Variants in ADCY2 observed in about 807,000 individuals in gnomAD.
ADCY2 encodes the protein adenylate cyclase 2.
A neutral mutation model predicts 125.2 loss-of-function variants in ADCY2; 31 were observed. The ratio of observed to expected loss-of-function variants is 0.25; its 90% CI spans 0.19 to 0.33. ADCY2 has a LOEUF of 0.33. Among genes scored for constraint, ADCY2 ranks in the 10% least tolerant of loss-of-function variants. The pLI is 1.00. For synonymous variants in ADCY2, 512 were observed against 548.4 expected (o/e 0.93, Z 0.93); for missense variants, 904 against 1,418.2 (o/e 0.64, Z 5.82).
intron 3 of ADCY2, among the ~76,000 whole-genome samples, chr5:7,533,122 T>C (rs924667172): frequency 7.3e-5 from 11 of 150,488 alleles, no homozygotes; most frequent in Admixed American, 6.6e-4. Flanking sequence ...TATATACATA[T>C]ATGCATATAC....
intron 12 of ADCY2, among the ~76,000 whole-genome samples, chr5:7,721,260 TA>T (rs1377969262): frequency 1.3e-5 from 2 of 152,230 alleles, no homozygotes; most frequent in Admixed American, 6.5e-5. Flanking sequence ...TTTTTTCTTG[TA>T]AATTTGTTTG....
intron 3 of ADCY2, among the ~76,000 whole-genome samples, chr5:7,619,790 T>C (rs1737894322): frequency 6.6e-6 from 1 of 152,228 alleles, no homozygotes; most frequent in African/African-American, 2.4e-5. Context: ...TTTTCTTCTA[T>C]GGAGCCCTGA....
chr5:7,690,033 G>T (rs146375406), intron 4 of ADCY2, among the ~76,000 whole-genome samples: 2,159 of 152,184 alleles, frequency 0.014, 29 homozygotes, highest in South Asian at 0.03. Context: ...AATATTTATT[G>T]TTTCCTGGAC....
chr5:7,558,420 C>T (rs893997843), intron 3 of ADCY2, among the ~76,000 whole-genome samples: 3 of 152,104 alleles, frequency 2.0e-5, no homozygotes, highest in Non-Finnish European at 4.4e-5. Context: ...TTTTGATTTG[C>T]ATTTCTCTAA....
intron 3 of ADCY2, among the ~76,000 whole-genome samples, chr5:7,603,808 T>TTTTC (rs1737308499): frequency 8.0e-6 from 1 of 124,666 alleles, no homozygotes; most frequent in Non-Finnish European, 1.7e-5. Context: ...TTTTTTTTTT[T>TTTTC]TCTTTTGTTT....
intron 11 of ADCY2, among the ~76,000 whole-genome samples, chr5:7,713,416 C>T (rs113538897): frequency 0.052 from 7,818 of 151,512 alleles, 673 homozygotes; most frequent in African/African-American, 0.18. Context: ...ATCACTTCAA[C>T]GCGGGAGGCA....
intron 2 of ADCY2, among the ~76,000 whole-genome samples, chr5:7,435,584 T>G (rs536964915): frequency 2.0e-5 from 3 of 152,360 alleles, no homozygotes; most frequent in Non-Finnish European, 4.4e-5. Context: ...CCTTAAGAAT[T>G]CAAAACGATT....
intron 20 of ADCY2, chr5:7,796,671 G>T (rs1489055294): frequency 6.6e-6 from 1 of 152,188 alleles, no homozygotes; most frequent in East Asian, 1.9e-4. Context: ...ACTTCCTGAA[G>T]CTTCTCCATC....
intron 1 of ADCY2, among the ~76,000 whole-genome samples, chr5:7,411,714 A>G (rs939455791): frequency 3.9e-5 from 6 of 152,188 alleles, no homozygotes; most frequent in Non-Finnish European, 7.3e-5. Context: ...ATCAAAATCA[A>G]GTCTTACATA....
At chr5:7,588,338 A>G (rs1736700279) in intron 3 of ADCY2, among the ~76,000 whole-genome samples, 2 of 152,242 alleles carry the variant, frequency 1.3e-5, no homozygotes, top group South Asian at 4.1e-4. Flanking sequence ...AATATTACAT[A>G]TTACAACAAG....
At chr5:7,415,164 T>G in intron 2 of ADCY2, among the ~76,000 whole-genome samples, 1 of 152,210 alleles carries the variant, frequency 6.6e-6, no homozygotes, top group East Asian at 1.9e-4. Flanking sequence ...TAAGCAATTT[T>G]GAAATATACA....
At chr5:7,474,982 A>G (rs540458118) in intron 2 of ADCY2, among the ~76,000 whole-genome samples, 32 of 152,300 alleles carry the variant, frequency 2.1e-4, no homozygotes, top group African/African-American at 7.5e-4. Flanking sequence ...CTGGGCCACA[A>G]GCGTCCAGAG....
intron 2 of ADCY2, among the ~76,000 whole-genome samples, chr5:7,440,330 C>T (rs1391348275): frequency 6.6e-6 from 1 of 152,186 alleles, no homozygotes; most frequent in African/African-American, 2.4e-5. Flanking sequence ...CTAGATGATT[C>T]ACTGAAGAAA....
chr5:7,559,774 T>G (rs187007533), intron 3 of ADCY2, among the ~76,000 whole-genome samples: 1 of 152,252 alleles, frequency 6.6e-6, no homozygotes, highest in African/African-American at 2.4e-5. Flanking sequence ...GGAATGCTTC[T>G]GGCTTTCTCA....
Position 7,829,141 on chromosome 5 carries a change from T to G in ADCY2, c.*2270T>G, listed in dbSNP as rs1048976551. On this transcript the variant is annotated 3_prime_UTR_variant, in exon 25 of 25. Coordinates refer to ENST00000338316, the MANE Select transcript of ADCY2 (RefSeq NM_020546.3). Reference sequence around the variant, plus strand: ...CCATAGGAGCAGCCTTAGCATCCCCTGTGAACTTATCAAAAATGCAAATTC... The same window carrying G: ...CCATAGGAGCAGCCTTAGCATCCCCGGTGAACTTATCAAAAATGCAAATTC... 10 of 152,300 alleles carry G rather than the reference T, an allele frequency of 6.6e-5. No homozygotes were observed. Among genetic ancestry groups the G allele is most frequent in the Non-Finnish European group, 1.3e-4 (9 of 68,040 alleles). 9.4% of individuals were successfully genotyped at this position (152,300 alleles called of 1,614,324 possible).
intron 1 of ADCY2, among the ~76,000 whole-genome samples, chr5:7,410,303 C>T (rs1031870399): frequency 4.6e-5 from 7 of 150,798 alleles, no homozygotes; most frequent in African/African-American, 1.7e-4. Context: ...TGTCTTTTAC[C>T]ACCCTCATAC....
intron 4 of ADCY2, among the ~76,000 whole-genome samples, chr5:7,681,076 T>A (rs1439375218): frequency 6.6e-6 from 1 of 152,234 alleles, no homozygotes; most frequent in Non-Finnish European, 1.5e-5. Flanking sequence ...GAGTTACATT[T>A]AATAAAATTC....
chr5:7,625,363 A>G (rs1213135850), intron 3 of ADCY2, among the ~76,000 whole-genome samples: 1 of 152,274 alleles, frequency 6.6e-6, no homozygotes, highest in South Asian at 2.1e-4. Context: ...GGAACAAGAT[A>G]GAGGTCTTGA....
chr5:7,504,160 T>C (rs1355778051), intron 2 of ADCY2, among the ~76,000 whole-genome samples: 3 of 152,214 alleles, frequency 2.0e-5, no homozygotes, highest in Non-Finnish European at 4.4e-5. Flanking sequence ...CTCCCAGAGC[T>C]TCATGTTGTT....
Sources: gnomAD v4.1 joint callset for allele counts (sites outside exome capture counted in the v4.1 genomes callset) on GRCh38, gnomAD v4.1.1 for gene constraint, MANE v1.5 for transcripts, NCBI Gene and HGNC (gene_info 2026-07-23, HGNC 2026-07-21) for gene names.